Variants in CFAP91 observed in about 807,000 individuals in gnomAD.
The protein encoded by CFAP91 is cilia and flagella associated protein 91, also known as cilia- and flagella-associated protein 91.
CFAP91 carries 85 observed loss-of-function variants against 95.9 expected under a neutral mutation model. The ratio of observed to expected loss-of-function variants is 0.89; its 90% confidence interval spans 0.74 to 1.06. The LOEUF (loss-of-function observed/expected upper bound fraction) is 1.06. CFAP91 is among the 50% of genes least tolerant of loss of function. CFAP91 has a pLI of 0.00. For missense variants in CFAP91, 962 were observed against 943.4 expected, an observed-to-expected ratio of 1.02 and a Z score of -0.26; for synonymous variants, 335 against 327.5, an observed-to-expected ratio of 1.02 and a Z score of -0.25.
rs549848924 is a variant in CFAP91 at position 119,751,115 on chromosome 3, A to G, written c.*1+17A>G. On this transcript the variant is annotated intron_variant, in intron 17 of 17. Coordinates refer to ENST00000273390, the MANE Select transcript of CFAP91 (RefSeq NM_033364.4). ...ACAGCTAAGGTGAGTTTGATTTTCC[A>G]CCAGGAAAAAAAGCAGAGAAAGGAA... The G allele has an allele frequency of 5.7e-6, 9 of 1,580,348 alleles. No homozygotes were observed. In the East Asian group the frequency reaches 1.1e-4, roughly 20 times the overall value.
intron 3 of CFAP91, among the ~76,000 whole-genome samples, chr3:119,708,032 A>G (rs2053403490): frequency 6.6e-6 from 1 of 152,142 alleles, no homozygotes; most frequent in South Asian, 2.1e-4. Flanking sequence ...CTGTAATCCC[A>G]GCACTTTGGG....
intron 1 of CFAP91, among the ~76,000 whole-genome samples, chr3:119,705,079 T>C (rs1405455302): frequency 6.6e-6 from 1 of 152,204 alleles, no homozygotes; most frequent in East Asian, 1.9e-4. Context: ...GCAACACATC[T>C]CTATGCTTGC....
intron 17 of CFAP91, among the ~76,000 whole-genome samples, chr3:119,753,599 G>A (rs1458672138): frequency 3.9e-5 from 6 of 152,304 alleles, no homozygotes; most frequent in Admixed American, 1.3e-4. Context: ...TGAACAAGTG[G>A]CAAAACAATA....
rs537866612 is a variant in CFAP91 at position 119,714,335 on chromosome 3, T to C, written c.501-1227T>C. ...GAGCCGAGATCGCGCTACTGCACTC[T>C]AACCTGGGCGACAGAGCGAGACTCC... On this transcript the variant is annotated intron_variant, in intron 5 of 17. Transcript: ENST00000273390. Among the ~76,000 whole-genome samples, 138 of 133,568 alleles carry C rather than the reference T, an allele frequency of 1.0e-3. 1 individual carries two copies. The South Asian group carries it at 0.03, about 29-fold the overall frequency. 87.6% of individuals were successfully genotyped at this position (133,568 alleles called of 152,430 possible). A position where few individuals can be genotyped will look rare whatever the true frequency, so the allele number is the denominator to read the frequency against.
chr3:119,713,015 T>C (rs2053501111), intron 5 of CFAP91: 1 of 151,982 alleles, frequency 6.6e-6, no homozygotes, highest in African/African-American at 2.4e-5. Context: ...CCAGCACAGG[T>C]TGAACTTCCA....
At chr3:119,736,714 A>G (rs1039676895) in intron 10 of CFAP91, among the ~76,000 whole-genome samples, 1 of 152,118 alleles carries the variant, frequency 6.6e-6, no homozygotes, top group African/African-American at 2.4e-5. Flanking sequence ...AACACATCTC[A>G]GTACTTCATT....
intron 14 of CFAP91, among the ~76,000 whole-genome samples, chr3:119,745,851 T>C (rs902868204): frequency 3.3e-5 from 5 of 152,232 alleles, no homozygotes; most frequent in African/African-American, 1.2e-4. Context: ...TGAAGGTTGA[T>C]GTTTTACACA....
intron 17 of CFAP91, among the ~76,000 whole-genome samples, chr3:119,752,083 A>AGG (rs1381628096): frequency 1.3e-5 from 2 of 152,196 alleles, no homozygotes; most frequent in Non-Finnish European, 2.9e-5. Flanking sequence ...TCTCATGAGA[A>AGG]GGGGAATGGA....
intron 17 of CFAP91, among the ~76,000 whole-genome samples, chr3:119,759,634 G>T (rs1260262044): frequency 6.6e-6 from 1 of 151,864 alleles, no homozygotes; most frequent in African/African-American, 2.4e-5. Flanking sequence ...TCACTTTTTA[G>T]TATGAAGGTT....
intron 7 of CFAP91, among the ~76,000 whole-genome samples, chr3:119,729,266 G>T (rs9814138): frequency 6.6e-6 from 1 of 152,056 alleles, no homozygotes; most frequent in African/African-American, 2.4e-5. Flanking sequence ...AGACTTCTGG[G>T]GGAACAAATG....
At chr3:119,731,416 T>A (rs1244181743) in intron 8 of CFAP91, among the ~76,000 whole-genome samples, 1 of 152,348 alleles carries the variant, frequency 6.6e-6, no homozygotes, top group South Asian at 2.1e-4. Flanking sequence ...ATTTTTCTTT[T>A]TGAGAAAAGA....
At chr3:119,733,339 A>G (rs1171709045) in intron 9 of CFAP91, 25 bp from the exon 10 acceptor site, 2 of 1,611,558 alleles carry the variant, frequency 1.2e-6, no homozygotes, top group Admixed American at 3.4e-5. Flanking sequence ...ACTGGATACT[A>G]AAAACATGTG....
chr3:119,763,814 G>A (rs1280967730), intron 17 of CFAP91, among the ~76,000 whole-genome samples: 1 of 152,110 alleles, frequency 6.6e-6, no homozygotes, highest in Admixed American at 6.6e-5. Flanking sequence ...GAAGTAAAGA[G>A]TAGAATGTTG....
intron 17 of CFAP91, among the ~76,000 whole-genome samples, chr3:119,755,395 G>A (rs1434161395): frequency 6.6e-6 from 1 of 152,136 alleles, no homozygotes; most frequent in Non-Finnish European, 1.5e-5. Context: ...TTTAGAGAAG[G>A]TAATGAGGGA....
chr3:119,739,520 C>A (rs754624148), intron 12 of CFAP91, 194 bp downstream of exon 12: 3 of 548,778 alleles, frequency 5.5e-6, no homozygotes, highest in Non-Finnish European at 9.9e-6. Context: ...AGGTGGGTGG[C>A]ACAGTGTCAA....
intron 12 of CFAP91, 138 bp from the exon 13 acceptor site, chr3:119,740,411 C>A: frequency 1.1e-6 from 1 of 927,056 alleles, no homozygotes; most frequent in Non-Finnish European, 1.7e-6. Flanking sequence ...CTGTGGGACA[C>A]ATCTGCTCTG....
chr3:119,711,690 G>A lies in CFAP91; in HGVS notation c.500+1795G>A, dbSNP rs559001551. On this transcript the variant is annotated intron_variant, in intron 5 of 17. Coordinates refer to ENST00000273390, the MANE Select transcript of CFAP91 (RefSeq NM_033364.4). ...GTATGTTTGAGTTTCTGAGCAGTGA[G>A]TATAATGCCACCTTGTGTTATCAGG... is the stretch of plus-strand genomic sequence containing the variant. Among the ~76,000 whole-genome samples the A allele has an allele frequency of 3.1e-4, 47 of 152,346 alleles. No individual in the cohort carries two copies. In the South Asian group the frequency reaches 9.1e-3, roughly 30 times the overall value.
At chr3:119,730,515 T>G in intron 8 of CFAP91, 138 bp downstream of exon 8, 1 of 833,338 alleles carries the variant, frequency 1.2e-6, no homozygotes, top group Non-Finnish European at 1.9e-6. Flanking sequence ...AGATGAGTTA[T>G]TTCTTAAAGG....
At chr3:119,728,260 AGT>A (rs1297746440) in intron 7 of CFAP91, among the ~76,000 whole-genome samples, 1 of 152,168 alleles carries the variant, frequency 6.6e-6, no homozygotes, top group Non-Finnish European at 1.5e-5. Flanking sequence ...TAGACCTCAA[AGT>A]GTGGTCCACA....
Sources: gnomAD v4.1 joint callset for allele counts (sites outside exome capture counted in the v4.1 genomes callset) on GRCh38, gnomAD v4.1.1 for gene constraint, MANE v1.5 for transcripts, NCBI Gene and HGNC (gene_info 2026-07-23, HGNC 2026-07-21) for gene names.